Variants in TRPM3 observed in about 807,000 individuals in gnomAD.
The protein encoded by TRPM3 is long transient receptor potential channel 3.
A neutral mutation model predicts 181.2 loss-of-function variants in TRPM3; 77 were observed. That is an observed-to-expected ratio of 0.42 (90% CI 0.35 to 0.51). The LOEUF is 0.51. Among genes scored for constraint, TRPM3 ranks in the 20% least tolerant of loss-of-function variants. The pLI is 0.01. For missense variants in TRPM3, 1,759 were observed against 2,196.7 expected, an observed-to-expected ratio of 0.80 and a Z score of 3.98; for synonymous variants, 745 against 796.4, an observed-to-expected ratio of 0.94 and a Z score of 1.09.
Position 71,231,184 on chromosome 9 carries a change from C to T in TRPM3, c.183+215469G>A, listed in dbSNP as rs185481170. On this transcript the variant is annotated intron_variant, in intron 1 of 24. Transcript: ENST00000357533. ...AATTTAAATGGCAAAAAGGACTTTACGGTTGACTGTAAATGAAGGATCTTG... is the reference window on the plus strand; with the variant it reads ...AATTTAAATGGCAAAAAGGACTTTATGGTTGACTGTAAATGAAGGATCTTG... Among the ~76,000 whole-genome samples the T allele has an allele frequency of 8.5e-4, 130 of 152,182 alleles. No homozygotes were observed. The Middle Eastern group carries it at 0.01, about 12-fold the overall frequency.
At chr9:71,192,037 T>G (rs7851045) in intron 1 of TRPM3, among the ~76,000 whole-genome samples, 65,137 of 151,692 alleles carry the variant, frequency 0.43, 14,391 homozygotes, top group East Asian at 0.52. Flanking sequence ...GAAGAAAAAT[T>G]TATATCATAT....
chr9:70,795,748 T>C (rs13300573), intron 6 of TRPM3, among the ~76,000 whole-genome samples: 9,978 of 152,328 alleles, frequency 0.066, 410 homozygotes, highest in Non-Finnish European at 0.098. Flanking sequence ...GTGTATTATA[T>C]ACCCAGACGA....
rs77177051 is a variant in TRPM3, at chr9:70,536,224, T to A, written c.4889A>T (p.Asn1630Ile). Residue 1630 changes from asparagine to isoleucine, a missense_variant, in exon 26 of 26, where the codon AAC (asparagine) becomes ATC (isoleucine). Physicochemically the swap from Asn to Ile is moderately radical, Grantham distance 149. Transcript: ENST00000677713. The stretch of plus-strand genomic sequence containing the variant: ...GTTGTTGGACAGGGTTCTCTCTGAG[T>A]TATCACCCTCCTGGGAGGATATTGC... ...TIAISSQEGD[N>I]SERTLSNNIT... 3.7e-3 allele frequency: 6,047 copies of A among 1,614,162 alleles called. 154 individuals carry two copies. In the African/African-American group the frequency reaches 0.065, roughly 17 times the overall value.
chr9:71,296,045 G>A (rs1415637211), intron 1 of TRPM3, among the ~76,000 whole-genome samples: 1 of 151,984 alleles, frequency 6.6e-6, no homozygotes, highest in East Asian at 1.9e-4. Context: ...ATAGGAAAAT[G>A]TTTGTGAAAA....
At chr9:70,880,666 T>C (rs961962082) in intron 1 of TRPM3, among the ~76,000 whole-genome samples, 29 of 152,138 alleles carry the variant, frequency 1.9e-4, no homozygotes, top group African/African-American at 7.0e-4. Flanking sequence ...AGCTTAATTT[T>C]ATGGCTCTCT....
At chr9:71,153,084 A>G (rs1157771788) in intron 1 of TRPM3, among the ~76,000 whole-genome samples, 1 of 152,080 alleles carries the variant, frequency 6.6e-6, no homozygotes, top group African/African-American at 2.4e-5. Flanking sequence ...TGGCATCATC[A>G]AAATCAGAGC....
At chr9:71,423,481 G>C (rs1489074655) in intron 1 of TRPM3, among the ~76,000 whole-genome samples, 1 of 152,014 alleles carries the variant, frequency 6.6e-6, no homozygotes, top group Non-Finnish European at 1.5e-5. Context: ...ATAATTTGCT[G>C]TCACCATTCT....
rs114925966 is a variant in TRPM3 at position 71,287,743 on chromosome 9, A to G, written c.183+158910T>C. ...ATATTTTGTTTCTCACAGCAGCAAC[A>G]TAAGACCTATACATGTGTTATTTTC... is the stretch of plus-strand genomic sequence containing the variant. On this transcript the variant is annotated intron_variant, in intron 1 of 24. Coordinates refer to the TRPM3 transcript ENST00000357533. 1.4e-3 allele frequency among the ~76,000 whole-genome samples: 213 copies of G among 152,312 alleles called. 2 individuals are homozygous for G. Among genetic ancestry groups the G allele is most frequent in the African/African-American group, 4.5e-3 (187 of 41,576 alleles).
At position 70,971,849 on chromosome 9, in the gene TRPM3, CATT is replaced by C. The variant is rs771103608; in HGVS notation, c.178-107341_178-107339del. ...AAGCACAGGAAACAATGCTCAATAT[CATT>C]AGTCATTAGGGAAGTGCAAATCAAA... On this transcript the variant is annotated intron_variant, in intron 1 of 25. Coordinates refer to ENST00000677713, the MANE Select transcript of TRPM3 (RefSeq NM_001366145.2). 4.2e-4 allele frequency among the ~76,000 whole-genome samples: 64 copies of C among 152,084 alleles called. 1 individual carries two copies. Among genetic ancestry groups the C allele is most frequent in the Non-Finnish European group, 1.8e-4 (12 of 68,014 alleles).
chr9:70,772,897 C>CAA (rs1393969670), intron 7 of TRPM3, among the ~76,000 whole-genome samples: 1 of 152,202 alleles, frequency 6.6e-6, no homozygotes, highest in African/African-American at 2.4e-5. Context: ...TGAGTTCATT[C>CAA]CAAGTGCAAT....
Position 71,127,292 on chromosome 9 carries a change from A to AACACACACACACACAC in TRPM3, c.184-262797_184-262782dup, listed in dbSNP as rs60199233. On this transcript the variant is annotated intron_variant, in intron 1 of 24. Transcript: ENST00000357533. ...TAGATTTTAAGTAATAGCTGACCAA[A>AACACACACACACACAC]ACACACACACACACACACACACACC... Among the ~76,000 whole-genome samples the AACACACACACACACAC allele has an allele frequency of 9.0e-3, 1,291 of 143,798 alleles. 9 individuals carry two copies. The highest frequency in any genetic ancestry group is 0.02 in the African/African-American group (779 of 39,228). 94.3% of individuals were successfully genotyped at this position (143,798 alleles called of 152,430 possible).
intron 1 of TRPM3, among the ~76,000 whole-genome samples, chr9:71,385,013 T>C (rs1338294007): frequency 6.6e-6 from 1 of 152,222 alleles, no homozygotes; most frequent in Non-Finnish European, 1.5e-5. Context: ...TGTTGCATCT[T>C]CTGAGATACC....
chr9:70,629,326 T>C (rs1245812180), intron 12 of TRPM3, among the ~76,000 whole-genome samples: 3 of 150,056 alleles, frequency 2.0e-5, no homozygotes. Context: ...CTCTTCCGTT[T>C]TTTGTTTTGT....
intron 1 of TRPM3, among the ~76,000 whole-genome samples, chr9:71,050,295 G>A (rs1255996193): frequency 6.6e-6 from 1 of 152,102 alleles, no homozygotes; most frequent in Non-Finnish European, 1.5e-5. Flanking sequence ...ATTATTTATT[G>A]AGAGATTCAT....
At chr9:70,971,538 TC>T (rs1471980100) in intron 1 of TRPM3, among the ~76,000 whole-genome samples, 1 of 151,948 alleles carries the variant, frequency 6.6e-6, no homozygotes, top group East Asian at 1.9e-4. Flanking sequence ...GAATTGTCTT[TC>T]AGGGGGGAAA....
intron 1 of TRPM3, among the ~76,000 whole-genome samples, chr9:71,119,457 A>G (rs1428208052): frequency 3.3e-5 from 5 of 151,518 alleles, no homozygotes; most frequent in African/African-American, 7.3e-5. Flanking sequence ...TCCTAAAAAG[A>G]CAGAGCTTCT....
chr9:70,848,115 A>G lies in TRPM3; in HGVS notation c.463-1524T>C, dbSNP rs966365805. Among the ~76,000 whole-genome samples, 13 of 152,352 alleles carry G rather than the reference A, an allele frequency of 8.5e-5. No homozygotes were observed. In the East Asian group the frequency reaches 2.5e-3, roughly 29 times the overall value. On this transcript the variant is annotated intron_variant, in intron 3 of 25. Coordinates refer to ENST00000677713, the MANE Select transcript of TRPM3 (RefSeq NM_001366145.2). ...GATAACTGTTAATATGTTAAAAAGC[A>G]TAAATGAGATGACTGAGTATAAGAG...
intron 1 of TRPM3, among the ~76,000 whole-genome samples, chr9:70,901,042 C>T (rs568030497): frequency 1.3e-5 from 2 of 152,294 alleles, no homozygotes; most frequent in South Asian, 2.1e-4. Flanking sequence ...TAACACTATC[C>T]TTTGCTTCAG....
At chr9:70,800,641 T>C (rs1156886477) in intron 6 of TRPM3, among the ~76,000 whole-genome samples, 2 of 152,210 alleles carry the variant, frequency 1.3e-5, no homozygotes, top group African/African-American at 4.8e-5. Flanking sequence ...CACTTCTACT[T>C]AGTGAATAGT....
Sources: gnomAD v4.1 joint callset for allele counts (sites outside exome capture counted in the v4.1 genomes callset) on GRCh38, gnomAD v4.1.1 for gene constraint, MANE v1.5 for transcripts, NCBI Gene and HGNC (gene_info 2026-07-23, HGNC 2026-07-21) for gene names.